Variants in VPS11 observed in about 807,000 individuals in gnomAD.
VPS11 encodes the protein vacuolar protein sorting-associated protein 11 homolog.
VPS11 carries 51 observed loss-of-function variants against 106.8 expected under a neutral mutation model. That is an observed-to-expected ratio of 0.48 (90% CI 0.38 to 0.60). VPS11 has a LOEUF of 0.60. Ranked by LOEUF, VPS11 falls within the 20% of genes least tolerant of loss-of-function variation. The pLI, the probability that VPS11 is intolerant of heterozygous loss-of-function variation, is 0.00. For synonymous variants in VPS11, 453 were observed against 458.7 expected (o/e 0.99, Z 0.16); for missense variants, 950 against 1,190.0 (o/e 0.80, Z 2.97).
chr11:119,081,421 A>C, intron 15 of VPS11, 38 bp from the exon 16 acceptor site: 1 of 1,613,350 alleles, frequency 6.2e-7, no homozygotes, highest in South Asian at 1.1e-5. Flanking sequence ...AAGCACTTTG[A>C]TTCTGATTCG....
chr11:119,076,794 G>A (rs1945636779), intron 7 of VPS11, 103 bp from the exon 8 acceptor site: 3 of 1,361,844 alleles, frequency 2.2e-6, no homozygotes, highest in Admixed American at 4.0e-5. Flanking sequence ...CAGATCCACT[G>A]AAATAGAATT....
At chr11:119,068,236 C>T in intron 1 of VPS11, 1 of 455,718 alleles carries the variant, frequency 2.2e-6, no homozygotes, top group African/African-American at 2.0e-5. Flanking sequence ...TTTTAATTTC[C>T]TTATCTGTAG....
Position 119,070,257 on chromosome 11 carries a change from T to A in VPS11, c.496T>A (p.Leu166Met). The A allele has an allele frequency of 6.2e-7, 1 of 1,612,174 alleles. No individual in the cohort carries two copies. Among genetic ancestry groups the A allele is most frequent in the South Asian group, 1.1e-5 (1 of 90,740 alleles). The change falls in exon 4 of 16, where the codon TTG becomes ATG. Residue 166 changes from leucine (L) to methionine (M), a missense_variant. Physicochemically the swap from Leu to Met is conservative, Grantham distance 15. Around this residue, in one of 3 missense-constraint regions of VPS11, gnomAD observed 435 missense variants for 630.2 expected, o/e 0.69. Transcript: ENST00000621676. ...AGGTTTCACAGATGGCAGTGTTACA[T>A]TGAACAAAGGAGACATCACCCGGGA... ...AIGFTDGSVT[L>M]NKGDITRDRH...
At chr11:119,068,131 A>C in intron 1 of VPS11, 121 bp downstream of exon 1, 2 of 1,180,298 alleles carry the variant, frequency 1.7e-6, no homozygotes, top group South Asian at 3.2e-5. Context: ...GGTCATCCAG[A>C]GTTGTTCTGT....
Position 119,077,547 on chromosome 11 carries a change from A to C in VPS11, c.1472A>C (p.Lys491Thr), listed in dbSNP as rs1445580677. 1 of 1,613,924 alleles carries C rather than the reference A, an allele frequency of 6.2e-7. No homozygotes were observed. The change falls in exon 9 of 16, where the codon AAG becomes ACG. Residue 491 changes from lysine (K) to threonine (T), a missense_variant. Coordinates refer to ENST00000621676, the MANE Select transcript of VPS11 (RefSeq NM_021729.6). ...EVHFDVETAI[K>T]VLRQAGYYSH... The stretch of plus-strand genomic sequence containing the variant: ...CACTTTGATGTGGAGACAGCCATCA[A>C]GGTCCTCCGGCAGGCTGGCTACTAC...
Position 119,078,827 on chromosome 11 carries a change from A to G in VPS11, c.2096A>G (p.His699Arg). The G allele has an allele frequency of 6.2e-7, 1 of 1,613,844 alleles. No homozygotes were observed. The highest frequency in any genetic ancestry group is 1.6e-4 in the Middle Eastern group (1 of 6,062). Residue 699 changes from histidine to arginine, a missense_variant, in exon 13 of 16, where the codon CAC (histidine) becomes CGC (arginine). Around this residue, in one of 3 missense-constraint regions of VPS11, gnomAD observed 453 missense variants for 514.6 expected, o/e 0.88. Coordinates refer to ENST00000621676, the MANE Select transcript of VPS11 (RefSeq NM_021729.6). ...CAGATCATGCACTACCACATGCAGC[A>G]CGAGCAGTACCGGCAGGTCATCAGC... is the stretch of plus-strand genomic sequence containing the variant. ...FQQIMHYHMQ[H>R]EQYRQVISVC...
At chr11:119,080,437 C>G (rs548480782) in intron 14 of VPS11, among the ~76,000 whole-genome samples, 2 of 151,972 alleles carry the variant, frequency 1.3e-5, no homozygotes, top group Middle Eastern at 3.4e-3. Context: ...GGCGCAATCT[C>G]GGCTCACTGC....
chr11:119,075,222 G>T (rs568110252), intron 7 of VPS11, among the ~76,000 whole-genome samples: 25 of 151,720 alleles, frequency 1.6e-4, no homozygotes, highest in Non-Finnish European at 2.5e-4. Context: ...AGCCGAGATC[G>T]CACCACTGCA....
Position 119,069,587 on chromosome 11 carries a change from A to C in VPS11, c.472+10A>C. 1 of 1,613,992 alleles carries C rather than the reference A, an allele frequency of 6.2e-7. No homozygotes were observed. The highest frequency in any genetic ancestry group is 8.5e-7 in the Non-Finnish European group (1 of 1,179,882). ...AACTTTATGGCCATTGGTAAACAGA[A>C]GGCAAAACTAACCCTCCTAGATTTG... On this transcript the variant is annotated intron_variant, in intron 3 of 15. Transcript: ENST00000621676.
In VPS11 at chr11:119,070,950, A is replaced by G. The variant is rs1945364629; in HGVS notation, c.636+553A>G. Among the ~76,000 whole-genome samples the G allele has an allele frequency of 2.8e-5, 3 of 106,348 alleles. No individual in the cohort carries two copies. The Admixed American group carries it at 2.9e-4, about 10-fold the overall frequency. The allele number at this position is 106,348 out of a possible 152,430, so 69.8% of individuals were successfully genotyped here. A position where few individuals can be genotyped will look rare whatever the true frequency, so the allele number is the denominator to read the frequency against. On this transcript the variant is annotated intron_variant, in intron 4 of 15. Transcript: ENST00000621676. ...AGCTTTTTTTTTTTTTTTCTTTGAG[A>G]CAGGATCTTGCTGTGTAACCCAGGC...
chr11:119,071,464 C>T (rs1945389054), intron 4 of VPS11, 132 bp from the exon 5 acceptor site: 5 of 1,156,188 alleles, frequency 4.3e-6, no homozygotes, highest in Non-Finnish European at 4.8e-6. Context: ...ATGAAGAAGG[C>T]CAGCAGCCAA....
rs2133639057 is a variant in VPS11, at chr11:119,067,847, G to T, written c.24G>T (p.Arg8=). Residue 8 remains arginine (R), a synonymous_variant, in exon 1 of 16, where the codon CGG becomes CGT. Transcript: ENST00000621676. Reference sequence around the variant, plus strand: ...AAATGGCGGCCTACCTGCAGTGGCGGCGCTTCGTTTTCTTCGACAAGGAGC... The same window carrying T: ...AAATGGCGGCCTACCTGCAGTGGCGTCGCTTCGTTTTCTTCGACAAGGAGC... MAAYLQW[R]RFVFFDKELV... 6.4e-7 allele frequency: 1 copy of T among 1,553,656 alleles called. No homozygotes were observed. The highest frequency in any genetic ancestry group is 8.7e-7 in the Non-Finnish European group (1 of 1,147,400).
At position 119,069,002 on chromosome 11, in the gene VPS11, C is replaced by G. The variant is rs1469044810; in HGVS notation, c.188-194C>G. Among the ~76,000 whole-genome samples, 4 of 51,390 alleles carry G rather than the reference C, an allele frequency of 7.8e-5. 1 individual carries two copies. Among genetic ancestry groups the G allele is most frequent in the African/African-American group, 3.1e-4 (4 of 13,086 alleles). 33.7% of individuals were successfully genotyped at this position (51,390 alleles called of 152,430 possible). A position where few individuals can be genotyped will look rare whatever the true frequency, so the allele number is the denominator to read the frequency against. On this transcript the variant is annotated intron_variant, in intron 1 of 15. Transcript: ENST00000621676. Reference sequence around the variant, plus strand: ...CTGACCTCAGGTGATCCGCACCCCCCCCCCCCCCCGGCCTCCCAAAGTGCT... The same window carrying G: ...CTGACCTCAGGTGATCCGCACCCCCGCCCCCCCCCGGCCTCCCAAAGTGCT...
At chr11:119,076,295 G>C (rs1434766368) in intron 7 of VPS11, among the ~76,000 whole-genome samples, 2 of 152,100 alleles carry the variant, frequency 1.3e-5, no homozygotes, top group Non-Finnish European at 2.9e-5. Context: ...GGGAGGCTGA[G>C]GTGAGTGGAT....
chr11:119,077,571 A>G lies in VPS11; in HGVS notation c.1496A>G (p.Tyr499Cys), dbSNP rs1349776398. 1 of 1,613,722 alleles carries G rather than the reference A, an allele frequency of 6.2e-7. No individual in the cohort carries two copies. Among genetic ancestry groups the G allele is most frequent in the Non-Finnish European group, 8.5e-7 (1 of 1,179,840 alleles). Residue 499 changes from tyrosine to cysteine, a missense_variant, in exon 9 of 16, where the codon TAC (tyrosine) becomes TGC (cysteine). Coordinates refer to ENST00000621676, the MANE Select transcript of VPS11 (RefSeq NM_021729.6). The part of the protein sequence containing the change: ...AIKVLRQAGY[Y>C]SHALYLAENH... ...AAGGTCCTCCGGCAGGCTGGCTACT[A>G]CTCCCATGCCCTGTATCTGGCGGAG...
chr11:119,071,545 T>TA, intron 4 of VPS11, 51 bp from the exon 5 acceptor site: 1 of 1,598,700 alleles, frequency 6.3e-7, no homozygotes, highest in Non-Finnish European at 8.6e-7. Context: ...TGTGAAGGCT[T>TA]AGAGTTACCT....
intron 14 of VPS11, 111 bp downstream of exon 14, chr11:119,079,411 T>G: frequency 7.6e-7 from 1 of 1,318,740 alleles, no homozygotes; most frequent in Non-Finnish European, 1.0e-6. Flanking sequence ...TTTGAGCATT[T>G]TGATTCTTCA....
rs565847215 is a variant in VPS11 at position 119,069,005 on chromosome 11, C to T, written c.188-191C>T. Among the ~76,000 whole-genome samples the T allele has an allele frequency of 4.5e-5, 3 of 66,652 alleles. No individual in the cohort carries two copies. The East Asian group carries it at 1.3e-3, about 29-fold the overall frequency. 43.7% of individuals were successfully genotyped at this position (66,652 alleles called of 152,430 possible). On this transcript the variant is annotated intron_variant, in intron 1 of 15. Coordinates refer to ENST00000621676, the MANE Select transcript of VPS11 (RefSeq NM_021729.6). ...ACCTCAGGTGATCCGCACCCCCCCC[C>T]CCCCCCGGCCTCCCAAAGTGCTGGG...
chr11:119,070,206 C>T, intron 3 of VPS11, 28 bp from the exon 4 acceptor site: 11 of 1,588,254 alleles, frequency 6.9e-6, no homozygotes, highest in Non-Finnish European at 9.4e-6. Context: ...TTCAGCCTTA[C>T]TGAAGTAATT....
Sources: allele counts gnomAD v4.1 joint callset (sites outside exome capture counted in the v4.1 genomes callset), GRCh38; gene constraint gnomAD v4.1.1; regional missense constraint gnomAD v4.1.1; transcripts MANE v1.5; gene names NCBI Gene and HGNC (gene_info 2026-07-23, HGNC 2026-07-21).